Variants in MAST2 observed in about 807,000 individuals in gnomAD.
The protein encoded by MAST2 is microtubule-associated serine/threonine-protein kinase 2.
In MAST2, 70 loss-of-function variants were observed where a neutral mutation model predicts 147.4. That is an observed-to-expected ratio of 0.47 (90% CI 0.39 to 0.58). MAST2 has a LOEUF of 0.58. MAST2 is among the 20% of genes least tolerant of loss of function. The pLI, the probability that MAST2 is intolerant of heterozygous loss-of-function variation, is 0.00. For missense variants in MAST2, 2,080 were observed against 2,302.3 expected (o/e 0.90, Z 1.98); for synonymous variants, 869 against 896.8 (o/e 0.97, Z 0.55).
In MAST2 at chr1:45,838,548, A is replaced by G. The variant is rs142258885; in HGVS notation, c.468+8967A>G. ...AGCTATTTTTATATATATACATTCTATGATCAAATGTCTGTTCAAAACTTT... is the reference window on the plus strand; with the variant it reads ...AGCTATTTTTATATATATACATTCTGTGATCAAATGTCTGTTCAAAACTTT... On this transcript the variant is annotated intron_variant, in intron 3 of 28. Coordinates refer to ENST00000361297, the MANE Select transcript of MAST2 (RefSeq NM_015112.3). Among the ~76,000 whole-genome samples, 441 of 152,162 alleles carry G rather than the reference A, an allele frequency of 2.9e-3. 1 individual carries two copies. Among genetic ancestry groups the G allele is most frequent in the African/African-American group, 0.01 (418 of 41,522 alleles).
chr1:45,911,162 C>G (rs1314084057), intron 4 of MAST2, among the ~76,000 whole-genome samples: 3 of 152,138 alleles, frequency 2.0e-5, no homozygotes, highest in Non-Finnish European at 4.4e-5. Context: ...TTATTGAGCC[C>G]TGTCACCAGT....
chr1:45,865,166 G>A, intron 3 of MAST2: 1 of 455,556 alleles, frequency 2.2e-6, no homozygotes, highest in South Asian at 1.6e-5. Flanking sequence ...CTTTTTCACT[G>A]ATCTCCTTCC....
chr1:45,959,604 A>G (rs1201138180), intron 5 of MAST2, 127 bp downstream of exon 5: 3 of 750,110 alleles, frequency 4.0e-6, no homozygotes, highest in Non-Finnish European at 2.2e-6. Flanking sequence ...ACTGAAGCAG[A>G]CAGAGCTCAT....
At chr1:46,033,397 C>T (rs1646760722) in intron 26 of MAST2, among the ~76,000 whole-genome samples, 1 of 151,528 alleles carries the variant, frequency 6.6e-6, no homozygotes, top group Non-Finnish European at 1.5e-5. Context: ...TGAGATCGCA[C>T]CACTGCACTC....
chr1:45,860,239 C>G (rs1398556378), intron 3 of MAST2, among the ~76,000 whole-genome samples: 1 of 149,584 alleles, frequency 6.7e-6, no homozygotes, highest in African/African-American at 2.5e-5. Context: ...CACAAATTAG[C>G]CAGGAGTGGT....
rs1415413993 is a variant in MAST2, at chr1:46,005,484, T to C, written c.748-757T>C. 2.0e-5 allele frequency among the ~76,000 whole-genome samples: 3 copies of C among 152,260 alleles called. No homozygotes were observed. The South Asian group carries it at 6.2e-4, about 32-fold the overall frequency. Reference sequence around the variant, plus strand: ...AATGGAGGGGGGAGTTCCCTGATCCTGGGACTGAATGGGTGCTTCAGCATT... The same window carrying C: ...AATGGAGGGGGGAGTTCCCTGATCCCGGGACTGAATGGGTGCTTCAGCATT... On this transcript the variant is annotated intron_variant, in intron 7 of 28. Coordinates refer to ENST00000361297, the MANE Select transcript of MAST2 (RefSeq NM_015112.3).
chr1:45,862,827 A>G (rs574031973), intron 3 of MAST2, among the ~76,000 whole-genome samples: 2 of 152,292 alleles, frequency 1.3e-5, no homozygotes, highest in East Asian at 1.9e-4. Flanking sequence ...AAAGGTTGAT[A>G]ATCCCATAAC....
chr1:45,809,691 A>C (rs1644238949), intron 1 of MAST2, among the ~76,000 whole-genome samples: 1 of 152,166 alleles, frequency 6.6e-6, no homozygotes, highest in South Asian at 2.1e-4. Flanking sequence ...ACCCAAAAAG[A>C]AACTCTTCTG....
At chr1:46,030,938 C>T in intron 22 of MAST2, 69 bp from the exon 23 acceptor site, 2 of 1,558,078 alleles carry the variant, frequency 1.3e-6, no homozygotes, top group African/African-American at 1.4e-5. Context: ...CCCTTGTGTG[C>T]CCCTAAGGAG....
Position 46,004,076 on chromosome 1 carries a change from C to T in MAST2, c.747+1193C>T, listed in dbSNP as rs190332406. 3.4e-3 allele frequency among the ~76,000 whole-genome samples: 517 copies of T among 152,190 alleles called. 2 individuals are homozygous for T. The highest frequency in any genetic ancestry group is 4.8e-3 in the Non-Finnish European group (324 of 68,000). ...AGATCTTTCTCTAATAAACATTCCCCTTCCCGGGCCAGGCGCAGTGGCTCA... is the reference window on the plus strand; with the variant it reads ...AGATCTTTCTCTAATAAACATTCCCTTTCCCGGGCCAGGCGCAGTGGCTCA... On this transcript the variant is annotated intron_variant, in intron 7 of 28. Coordinates refer to ENST00000361297, the MANE Select transcript of MAST2 (RefSeq NM_015112.3).
intron 6 of MAST2, among the ~76,000 whole-genome samples, chr1:45,998,876 C>T (rs1050804870): frequency 7.9e-5 from 12 of 152,166 alleles, no homozygotes; most frequent in African/African-American, 1.7e-4. Context: ...TACAGGCGCC[C>T]GCCATCATTC....
intron 3 of MAST2, among the ~76,000 whole-genome samples, chr1:45,849,305 G>A (rs1645545640): frequency 6.6e-6 from 1 of 151,966 alleles, no homozygotes; most frequent in Admixed American, 6.6e-5. Context: ...ACAAAACTGG[G>A]GGCCTCACGT....
rs1162563364 is a variant in MAST2, at chr1:45,811,370, G to T, written c.177+7298G>T. Among the ~76,000 whole-genome samples, 89 of 129,340 alleles carry T rather than the reference G, an allele frequency of 6.9e-4. 1 individual carries two copies. Among genetic ancestry groups the T allele is most frequent in the Middle Eastern group, 5.3e-3 (1 of 188 alleles). The allele number at this position is 129,340 out of a possible 152,430, so 84.9% of individuals were successfully genotyped here. On this transcript the variant is annotated intron_variant, in intron 1 of 28. Transcript: ENST00000361297. The stretch of plus-strand genomic sequence containing the variant: ...TTTTTTTTTTTTGAGACGGAGTCAC[G>T]CTCTGTCGCCCAGACTCGAGTGCAG...
rs145479555 is a variant in MAST2 at position 45,961,798 on chromosome 1, T to C, written c.592+2321T>C. 2.0e-3 allele frequency among the ~76,000 whole-genome samples: 309 copies of C among 152,230 alleles called. 1 individual carries two copies. The highest frequency in any genetic ancestry group is 7.4e-3 in the African/African-American group (306 of 41,520). On this transcript the variant is annotated intron_variant, in intron 5 of 28. Transcript: ENST00000361297. ...ATAGATAATTTTATTATACTTTAAG[T>C]TCTAGGGTACATGTGCACAACTTAC...
chr1:45,897,834 G>A (rs936666396), intron 4 of MAST2, among the ~76,000 whole-genome samples: 4 of 147,548 alleles, frequency 2.7e-5, no homozygotes, highest in Admixed American at 1.3e-4. Context: ...GCCAGGCACA[G>A]TGGCTCATAC....
At position 45,991,139 on chromosome 1, in the gene MAST2, A is replaced by G. The variant is rs79681599; in HGVS notation, c.593-6585A>G. ...TCAGTTGTTCCAGCACCATTCGTCA[A>G]TGAGAATATATATTTTCTTCATTGA... On this transcript the variant is annotated intron_variant, in intron 5 of 28. Coordinates refer to ENST00000361297, the MANE Select transcript of MAST2 (RefSeq NM_015112.3). 5.5e-4 allele frequency among the ~76,000 whole-genome samples: 84 copies of G among 152,274 alleles called. No individual in the cohort carries two copies. In the East Asian group the frequency reaches 0.013, roughly 24 times the overall value.
At chr1:45,892,221 T>C (rs1441746896) in intron 4 of MAST2, among the ~76,000 whole-genome samples, 3 of 152,176 alleles carry the variant, frequency 2.0e-5, no homozygotes, top group Admixed American at 1.3e-4. Context: ...CAAATAACCA[T>C]ATTGCCTTGA....
At chr1:45,923,419 TA>T (rs1653856743) in intron 4 of MAST2, among the ~76,000 whole-genome samples, 1 of 152,234 alleles carries the variant, frequency 6.6e-6, no homozygotes, top group Non-Finnish European at 1.5e-5. Flanking sequence ...AGAATTTATT[TA>T]ATAAATTTAC....
chr1:46,022,865 C>A (rs776568782), intron 12 of MAST2, 45 bp from the exon 13 acceptor site: 3 of 1,451,698 alleles, frequency 2.1e-6, no homozygotes, highest in East Asian at 4.5e-5. Flanking sequence ...TGCTGAGATA[C>A]CTGACATTGC....
Sources: allele counts gnomAD v4.1 joint callset (sites outside exome capture counted in the v4.1 genomes callset), GRCh38; gene constraint gnomAD v4.1.1; transcripts MANE v1.5; gene names NCBI Gene and HGNC (gene_info 2026-07-23, HGNC 2026-07-21).